Variants in PPFIA2 observed in about 807,000 individuals in gnomAD.
The protein encoded by PPFIA2 is PPFI scaffold protein A2, also known as liprin-alpha-2.
A neutral mutation model predicts 175.5 loss-of-function variants in PPFIA2; 46 were observed. That is an observed-to-expected ratio of 0.26 (90% CI 0.21 to 0.34). The LOEUF is 0.34. PPFIA2 is among the 10% of genes least tolerant of loss of function. The pLI, the probability that PPFIA2 is intolerant of heterozygous loss-of-function variation, is 1.00. For missense variants in PPFIA2, 1,179 were observed against 1,506.1 expected, an observed-to-expected ratio of 0.78 and a Z score of 3.60; for synonymous variants, 568 against 511.4, an observed-to-expected ratio of 1.11 and a Z score of -1.49.
intron 22 of PPFIA2, among the ~76,000 whole-genome samples, chr12:81,314,310 A>G (rs1202431062): frequency 6.6e-6 from 1 of 151,894 alleles, no homozygotes; most frequent in African/African-American, 2.4e-5. Flanking sequence ...TTTTCTACAC[A>G]TATTTATTTA....
At chr12:81,388,780 G>C (rs1466941511) in intron 8 of PPFIA2, among the ~76,000 whole-genome samples, 1 of 151,988 alleles carries the variant, frequency 6.6e-6, no homozygotes, top group Non-Finnish European at 1.5e-5. Flanking sequence ...CTGAGACTCA[G>C]GTAATCACAT....
chr12:81,378,031 G>A (rs772441665), intron 9 of PPFIA2: 1 of 152,260 alleles, frequency 6.6e-6, no homozygotes, highest in Admixed American at 6.6e-5. Context: ...GGAAGAAGGA[G>A]GAAGTCAGTC....
intron 8 of PPFIA2, among the ~76,000 whole-genome samples, chr12:81,385,008 A>G (rs2142021530): frequency 6.6e-6 from 1 of 152,292 alleles, no homozygotes; most frequent in Admixed American, 6.5e-5. Flanking sequence ...ACAACTCAAT[A>G]GAAAGAAAAT....
rs1226058391 is a variant in PPFIA2, at chr12:81,375,791, T to C, written c.1131+5A>G. 1 of 1,602,252 alleles carries C rather than the reference T, an allele frequency of 6.2e-7. No individual in the cohort carries two copies. The highest frequency in any genetic ancestry group is 8.5e-7 in the Non-Finnish European group (1 of 1,170,418). The stretch of plus-strand genomic sequence containing the variant: ...CAGAAGAAAACCAAGACAGAGATAC[T>C]GAACCTGCCGCAGGATAGCTTCTTT... On this transcript the variant is annotated splice_donor_5th_base_variant and intron_variant, in intron 10 of 32. Transcript: ENST00000549396.
intron 3 of PPFIA2, among the ~76,000 whole-genome samples, chr12:81,733,163 C>A (rs866012484): frequency 2.0e-5 from 3 of 151,188 alleles, no homozygotes; most frequent in African/African-American, 7.3e-5. Context: ...ACATAAAATT[C>A]CAGTTTTAAA....
At chr12:81,739,381 T>C (rs536474581) in intron 3 of PPFIA2, among the ~76,000 whole-genome samples, 1 of 152,052 alleles carries the variant, frequency 6.6e-6, no homozygotes, top group Non-Finnish European at 1.5e-5. Flanking sequence ...TCTGATAGCA[T>C]GATGGATCAG....
chr12:81,512,384 T>A (rs2061908186), intron 4 of PPFIA2: 3 of 1,286,338 alleles, frequency 2.3e-6, no homozygotes, highest in Non-Finnish European at 3.0e-6. Context: ...CTGAGCATTC[T>A]ACCTTCTAAA....
chr12:81,598,676 G>A, intron 4 of PPFIA2, among the ~76,000 whole-genome samples: 1 of 150,152 alleles, frequency 6.7e-6, no homozygotes, highest in East Asian at 2.0e-4. Flanking sequence ...ATAATTTATA[G>A]ATCAAAGTAT....
intron 22 of PPFIA2, among the ~76,000 whole-genome samples, chr12:81,320,922 T>G (rs1457266141): frequency 6.6e-6 from 1 of 151,988 alleles, no homozygotes; most frequent in African/African-American, 2.4e-5. Flanking sequence ...AGAGTAACAG[T>G]TGTCAGATAG....
intron 4 of PPFIA2, among the ~76,000 whole-genome samples, chr12:81,496,975 C>T (rs1277227026): frequency 1.3e-5 from 2 of 152,074 alleles, no homozygotes; most frequent in African/African-American, 4.8e-5. Flanking sequence ...TGGCTTTAGC[C>T]CTACTGAAGC....
chr12:81,269,328 T>G (rs193187709), intron 28 of PPFIA2, among the ~76,000 whole-genome samples: 1 of 152,196 alleles, frequency 6.6e-6, no homozygotes, highest in Non-Finnish European at 1.5e-5. Flanking sequence ...ATAATTACTA[T>G]TAAAGTAAAA....
chr12:81,734,269 A>T (rs2081293101), intron 3 of PPFIA2, among the ~76,000 whole-genome samples: 1 of 151,852 alleles, frequency 6.6e-6, no homozygotes, highest in South Asian at 2.1e-4. Context: ...CTGTGTTTGT[A>T]GTTTGGGAAG....
chr12:81,715,091 A>T (rs1686275425), intron 3 of PPFIA2, among the ~76,000 whole-genome samples: 1 of 151,084 alleles, frequency 6.6e-6, no homozygotes, highest in African/African-American at 2.4e-5. Flanking sequence ...ATTGTTAAAG[A>T]AATAGATGTA....
At chr12:81,634,383 G>C (rs1205370910) in intron 4 of PPFIA2, among the ~76,000 whole-genome samples, 2 of 151,990 alleles carry the variant, frequency 1.3e-5, no homozygotes, top group Non-Finnish European at 2.9e-5. Context: ...AAAAATGTTT[G>C]AGCTGTTTCA....
chr12:81,528,936 A>G (rs894056047), intron 4 of PPFIA2, among the ~76,000 whole-genome samples: 5 of 152,072 alleles, frequency 3.3e-5, no homozygotes, highest in Non-Finnish European at 7.4e-5. Context: ...ATGAAAAGAG[A>G]CAATTATGAC....
At chr12:81,699,348 A>G (rs2076241291) in intron 3 of PPFIA2, among the ~76,000 whole-genome samples, 1 of 151,882 alleles carries the variant, frequency 6.6e-6, no homozygotes, top group East Asian at 1.9e-4. Flanking sequence ...CATCAAAAGC[A>G]TTTTTAAATT....
At chr12:81,610,953 T>G (rs569271571) in intron 4 of PPFIA2, among the ~76,000 whole-genome samples, 2 of 152,280 alleles carry the variant, frequency 1.3e-5, no homozygotes, top group Admixed American at 1.3e-4. Flanking sequence ...GTGGGTGAAT[T>G]CTTGGGCTTG....
At chr12:81,684,505 G>C (rs901636581) in intron 3 of PPFIA2, among the ~76,000 whole-genome samples, 2 of 152,084 alleles carry the variant, frequency 1.3e-5, no homozygotes, top group Non-Finnish European at 2.9e-5. Context: ...TTGAATGAAT[G>C]ATGTGATACT....
intron 9 of PPFIA2, among the ~76,000 whole-genome samples, chr12:81,383,569 A>G (rs185398162): frequency 6.6e-6 from 1 of 152,250 alleles, no homozygotes; most frequent in East Asian, 1.9e-4. Flanking sequence ...TAGACAAAGA[A>G]AGGTCATGTT....
Sources: allele counts gnomAD v4.1 joint callset (sites outside exome capture counted in the v4.1 genomes callset), GRCh38; gene constraint gnomAD v4.1.1; transcripts MANE v1.5; gene names NCBI Gene and HGNC (gene_info 2026-07-23, HGNC 2026-07-21).